MLH3: variants seen among roughly 807,000 people sequenced by gnomAD.
The protein encoded by MLH3 is DNA mismatch repair protein Mlh3.
MLH3 carries 82 observed loss-of-function variants against 122.2 expected under a neutral mutation model. That is an observed-to-expected ratio of 0.67 (90% CI 0.56 to 0.81). The LOEUF is 0.81. Among genes scored for constraint, MLH3 ranks in the 30% least tolerant of loss-of-function variants. The pLI is 0.00. For synonymous variants in MLH3, 524 were observed against 599.5 expected, an observed-to-expected ratio of 0.87 and a Z score of 1.84; for missense variants, 1,539 against 1,714.5, an observed-to-expected ratio of 0.90 and a Z score of 1.81.
At chr14:75,023,624 T>TA (rs1555387640) in intron 9 of MLH3, among the ~76,000 whole-genome samples, 1 of 152,206 alleles carries the variant, frequency 6.6e-6, no homozygotes, top group Non-Finnish European at 1.5e-5. Context: ...TCAATAGTTA[T>TA]ATCCCTGTGG....
rs1026378963 is a variant in MLH3, at chr14:75,038,360, G to A, written c.3623C>T (p.Thr1208Ile). 1 of 1,613,504 alleles carries A rather than the reference G, an allele frequency of 6.2e-7. No individual in the cohort carries two copies. The highest frequency in any genetic ancestry group is 1.3e-5 in the African/African-American group (1 of 74,848). ...CTTACCTGCCTCGCCATTCTCTTCA[G>A]TCTTAGTGCTCATCAAACAGGCAAT... Reference protein sequence around the residue: ...KFIACLMSTKTEENGEAGGNL... With the variant: ...KFIACLMSTKIEENGEAGGNL... The change falls in exon 6 of 13, where the codon ACT becomes ATT. Residue 1208 changes from threonine (T) to isoleucine (I), a missense_variant. Physicochemically the swap from Thr to Ile is moderately conservative, Grantham distance 89 (BLOSUM62 -1). Coordinates refer to ENST00000355774, the MANE Select transcript of MLH3 (RefSeq NM_001040108.2).
At position 75,033,478 on chromosome 14, in the gene MLH3, A is replaced by G. The variant is rs1891186701; in HGVS notation, c.3656T>C (p.Leu1219Pro). ...GGCAGCGTGCTGATCCACCAGCACG[A>G]GCAGGTTCCCACCTAGATGAGCAAG... ...EENGEAGGNL[L>P]VLVDQHAAHE... Residue 1219 changes from leucine to proline, a missense_variant, in exon 7 of 13, where the codon CTC (leucine) becomes CCC (proline). Leu to Pro is a moderately conservative substitution (Grantham distance 98). Coordinates refer to ENST00000355774, the MANE Select transcript of MLH3 (RefSeq NM_001040108.2). 1.2e-6 allele frequency: 2 copies of G among 1,613,852 alleles called. No homozygotes were observed. Among genetic ancestry groups the G allele is most frequent in the Non-Finnish European group, 1.7e-6 (2 of 1,179,694 alleles).
In MLH3 at chr14:75,049,027, C is replaced by T. The variant is rs143631202; in HGVS notation, c.629G>A (p.Arg210Gln). 1.9e-5 allele frequency: 30 copies of T among 1,614,032 alleles called. No homozygotes were observed. The highest frequency in any genetic ancestry group is 1.6e-4 in the Middle Eastern group (1 of 6,062). Residue 210 changes from arginine (R) to glutamine (Q), a missense_variant, in exon 2 of 13, where the codon CGA becomes CAA. By Grantham distance (43) the Arg-to-Gln change is conservative (BLOSUM62 1). Transcript: ENST00000355774. The part of the protein sequence containing the change: ...QLPKTKDVCS[R>Q]FCQIYGLGKS... Reference sequence around the variant, plus strand: ...TCCCAATCCATAAATTTGACAAAATCGGGAACATACGTCTTTGGTTTTAGG... The same window carrying T: ...TCCCAATCCATAAATTTGACAAAATTGGGAACATACGTCTTTGGTTTTAGG...
chr14:75,034,188 T>C (rs894948243), intron 6 of MLH3, among the ~76,000 whole-genome samples: 17 of 16,284 alleles, frequency 1.0e-3, no homozygotes, highest in Non-Finnish European at 2.1e-3. Context: ...TGAGACTCCA[T>C]CTTAAAAAAA....
intron 2 of MLH3, among the ~76,000 whole-genome samples, chr14:75,043,395 G>A (rs1259265027): frequency 1.3e-5 from 2 of 152,202 alleles, no homozygotes; most frequent in Non-Finnish European, 2.9e-5. Context: ...AGCAAAGTCA[G>A]TTAACCTGCA....
rs1453423692 is a variant in MLH3 at position 75,046,978 on chromosome 14, A to T, written c.2678T>A (p.Met893Lys). 4 of 1,614,050 alleles carry T rather than the reference A, an allele frequency of 2.5e-6. No homozygotes were observed. In the African/African-American group the frequency reaches 4.0e-5, roughly 16 times the overall value. ...SERETQTMGM[M>K]SRFNELPNSD... Reference sequence around the variant, plus strand: ...ATTTGGAAGTTCATTAAAACGACTCATCATCCCCATTGTTTGAGTTTCTCT... The same window carrying T: ...ATTTGGAAGTTCATTAAAACGACTCTTCATCCCCATTGTTTGAGTTTCTCT... The change falls in exon 2 of 13, where the codon ATG (methionine) becomes AAG (lysine). Residue 893 changes from methionine (M) to lysine (K), a missense_variant. Coordinates refer to ENST00000355774, the MANE Select transcript of MLH3 (RefSeq NM_001040108.2).
Position 75,014,917 on chromosome 14 carries a change from T to TTAAC in MLH3, c.*2161_*2164dup, listed in dbSNP as rs1889815202. 5 of 180,036 alleles carry TTAAC rather than the reference T, an allele frequency of 2.8e-5. No individual in the cohort carries two copies. Among genetic ancestry groups the TTAAC allele is most frequent in the African/African-American group, 1.2e-4 (5 of 42,384 alleles). 11.2% of individuals were successfully genotyped at this position (180,036 alleles called of 1,614,324 possible). ...TACAGCTAAGCCTTCAGCAAACCAG[T>TTAAC]TAACAGCTCCGAGCTTCGAAGTTTT... On this transcript the variant is annotated 3_prime_UTR_variant, in exon 13 of 13. Transcript: ENST00000355774.
At chr14:75,038,491 G>A in intron 5 of MLH3, 79 bp from the exon 6 acceptor site, 1 of 960,168 alleles carries the variant, frequency 1.0e-6, no homozygotes, top group Non-Finnish European at 1.7e-6. Flanking sequence ...ATACAGAACT[G>A]TATTTTATTT....
At chr14:75,017,812 A>G (rs1454041641) in intron 12 of MLH3, among the ~76,000 whole-genome samples, 4 of 152,206 alleles carry the variant, frequency 2.6e-5, no homozygotes, top group Non-Finnish European at 5.9e-5. Context: ...TCCATGCAAG[A>G]AAAGATTTTA....
rs138812028 is a variant in MLH3 at position 75,013,824 on chromosome 14, A to G, written c.*3258T>C. 2.2e-3 allele frequency: 485 copies of G among 225,022 alleles called. No homozygotes were observed. The highest frequency in any genetic ancestry group is 4.1e-3 in the Middle Eastern group (3 of 734). 13.9% of individuals were successfully genotyped at this position (225,022 alleles called of 1,614,324 possible). On this transcript the variant is annotated 3_prime_UTR_variant, in exon 13 of 13. Transcript: ENST00000355774. ...GCAGATTCTTCAGCATTTTGTTTTCACAGACTCCCTTCTTTTCCCCTCTTC... is the reference window on the plus strand; with the variant it reads ...GCAGATTCTTCAGCATTTTGTTTTCGCAGACTCCCTTCTTTTCCCCTCTTC...
At chr14:75,038,140 T>C (rs1165053118) in intron 6 of MLH3, among the ~76,000 whole-genome samples, 200 bp downstream of exon 6, 1 of 152,200 alleles carries the variant, frequency 6.6e-6, no homozygotes, top group African/African-American at 2.4e-5. Context: ...CCTCAAGCCA[T>C]CCACCTGCCT....
In MLH3 at chr14:75,047,125, G is replaced by A. The variant is rs175080; in HGVS notation, c.2531C>T (p.Pro844Leu). Residue 844 changes from proline to leucine, a missense_variant, in exon 2 of 13, where the codon CCT becomes CTT. By Grantham distance (98) the Pro-to-Leu change is moderately conservative (BLOSUM62 -3). Coordinates refer to ENST00000355774, the MANE Select transcript of MLH3 (RefSeq NM_001040108.2). ...GGTCATAGGACTTTCTCTCAAACTA[G>A]GCATCTGTTGTTCTAAACAATCTTC... The part of the protein sequence containing the change: ...KDEDCLEQQM[P>L]SLRESPMTLK... The A allele has an allele frequency of 0.45, 719,970 of 1,613,336 alleles. 164,611 individuals carry two copies. The highest frequency in any genetic ancestry group is 0.49 in the Middle Eastern group (2,981 of 6,060).
intron 12 of MLH3, 122 bp downstream of exon 12, chr14:75,018,707 A>G: frequency 9.0e-7 from 1 of 1,107,184 alleles, no homozygotes; most frequent in Admixed American, 1.8e-5. Context: ...CTTCCAGTGC[A>G]GATTTTGCAA....
rs1225267481 is a variant in MLH3, at chr14:75,016,354, C to T, written c.*728G>A. On this transcript the variant is annotated 3_prime_UTR_variant, in exon 13 of 13. Coordinates refer to ENST00000355774, the MANE Select transcript of MLH3 (RefSeq NM_001040108.2). ...AAAAAATCATATTTTAAAAAACAAG[C>T]TCATAGTATTTTCACCATTTTACTG... 5.2e-6 allele frequency: 1 copy of T among 194,062 alleles called. No homozygotes were observed. The highest frequency in any genetic ancestry group is 2.3e-5 in the African/African-American group (1 of 43,136). The allele number at this position is 194,062 out of a possible 1,614,324, so 12.0% of individuals were successfully genotyped here.
Position 75,047,548 on chromosome 14 carries a change from T to A in MLH3, c.2108A>T (p.Lys703Ile), listed in dbSNP as rs1330464135. 8 of 1,613,928 alleles carry A rather than the reference T, an allele frequency of 5.0e-6. No individual in the cohort carries two copies. Among genetic ancestry groups the A allele is most frequent in the Non-Finnish European group, 6.8e-6 (8 of 1,180,026 alleles). ...MFSAFQEGSK[K>I]SQTDCILSDT... is the part of the protein sequence containing the mutation. ...AGATAATATGCAATCTGTTTGTGATTTTTTGCTACCTTCCTGAAAAGCAGA... is the reference window on the plus strand; with the variant it reads ...AGATAATATGCAATCTGTTTGTGATATTTTGCTACCTTCCTGAAAAGCAGA... The change falls in exon 2 of 13, where the codon AAA (lysine) becomes ATA (isoleucine). Residue 703 changes from lysine to isoleucine, a missense_variant. Physicochemically the swap from Lys to Ile is moderately radical, Grantham distance 102. Coordinates refer to ENST00000355774, the MANE Select transcript of MLH3 (RefSeq NM_001040108.2).
chr14:75,020,387 A>C (rs1890197544), intron 11 of MLH3, among the ~76,000 whole-genome samples: 1 of 152,206 alleles, frequency 6.6e-6, no homozygotes, highest in Admixed American at 6.5e-5. Flanking sequence ...CTGAGAGAAG[A>C]GCAGCTTGAA....
intron 9 of MLH3, among the ~76,000 whole-genome samples, chr14:75,025,081 T>C (rs1890545182): frequency 6.6e-6 from 1 of 152,176 alleles, no homozygotes; most frequent in Non-Finnish European, 1.5e-5. Flanking sequence ...CTCTTGAATG[T>C]TTCCCCCTTG....
At chr14:75,046,190 A>AG (rs1595082128) in intron 2 of MLH3, among the ~76,000 whole-genome samples, 186 bp downstream of exon 2, 1 of 151,990 alleles carries the variant, frequency 6.6e-6, no homozygotes, top group African/African-American at 2.4e-5. Flanking sequence ...AAAAAAAAAA[A>AG]AAAAAAAAAG....
Position 75,047,436 on chromosome 14 carries a change from G to T in MLH3, c.2220C>A (p.Ile740=), listed in dbSNP as rs751551436. 9 of 1,613,930 alleles carry T rather than the reference G, an allele frequency of 5.6e-6. No homozygotes were observed. The Admixed American group carries it at 1.0e-4, about 18-fold the overall frequency. ...AACTCAAGCTTAGCTTCTTACGGAC[G>T]ATTGGTTTGGAGAAACCAATTAATT... The part of the protein sequence containing the change: ...TDKLIGFSKP[I]VRKKLSLSSQ... The change falls in exon 2 of 13, where the codon ATC becomes ATA. Residue 740 remains isoleucine (I), a synonymous_variant. Transcript: ENST00000355774.
Sources: allele counts gnomAD v4.1 joint callset (sites outside exome capture counted in the v4.1 genomes callset), GRCh38; gene constraint gnomAD v4.1.1; transcripts MANE v1.5; gene names NCBI Gene and HGNC (gene_info 2026-07-23, HGNC 2026-07-21).